Variants in GSTP1 observed in about 807,000 individuals in gnomAD.
GSTP1 encodes glutathione S-transferase pi 1, also known as glutathione S-transferase P.
GSTP1 carries 28 observed loss-of-function variants against 29.4 expected under a neutral mutation model. The ratio of observed to expected loss-of-function variants is 0.95; its 90% CI spans 0.71 to 1.30. GSTP1 has a LOEUF of 1.30. Among genes scored for constraint, GSTP1 ranks in the 50% most tolerant of loss-of-function variants. GSTP1 has a pLI of 0.00. For missense variants in GSTP1, 267 were observed against 266.1 expected, an observed-to-expected ratio of 1.00 and a Z score of -0.02; for synonymous variants, 122 against 117.0, an observed-to-expected ratio of 1.04 and a Z score of -0.28.
intron 5 of GSTP1, among the ~76,000 whole-genome samples, chr11:67,585,670 T>TGC (rs1867455550): frequency 6.6e-6 from 1 of 151,916 alleles, no homozygotes; most frequent in Non-Finnish European, 1.5e-5. Context: ...TGTGTGCGCG[T>TGC]GCGTGTGCAT....
At chr11:67,586,066 G>GAGTA in intron 5 of GSTP1, 38 bp from the exon 6 acceptor site, 1 of 1,484,740 alleles carries the variant, frequency 6.7e-7, no homozygotes, top group Non-Finnish European at 9.4e-7. Context: ...GGGGCTGGGA[G>GAGTA]GGATGAGAGT....
intron 4 of GSTP1, 116 bp from the exon 5 acceptor site, chr11:67,585,022 C>T: frequency 1.5e-6 from 1 of 686,094 alleles, no homozygotes; most frequent in Middle Eastern, 3.5e-4. Flanking sequence ...CGCACATCCT[C>T]TTCCCCTCCT....
In GSTP1 at chr11:67,584,125, T is replaced by C; in HGVS notation, c.2-9T>C. ...CGGGCTCCAGCAAACTTTTCTTTGT[T>C]CGCTGCAGTGCCGCCCTACACCGTG... On this transcript the variant is annotated splice_polypyrimidine_tract_variant and intron_variant, in intron 1 of 6. Transcript: ENST00000398606. 6.2e-7 allele frequency: 1 copy of C among 1,611,572 alleles called. No homozygotes were observed. Among genetic ancestry groups the C allele is most frequent in the South Asian group, 1.1e-5 (1 of 91,016 alleles).
At chr11:67,584,355 C>T in intron 2 of GSTP1, 109 bp from the exon 3 acceptor site, 1 of 729,130 alleles carries the variant, frequency 1.4e-6, no homozygotes, top group East Asian at 2.7e-5. Flanking sequence ...GTGAAATCTT[C>T]GGAGGAACCT....
At position 67,586,135 on chromosome 11, in the gene GSTP1, T is replaced by C; in HGVS notation, c.368T>C (p.Leu123Pro). 1 of 1,613,912 alleles carries C rather than the reference T, an allele frequency of 6.2e-7. No individual in the cohort carries two copies. Among genetic ancestry groups the C allele is most frequent in the Non-Finnish European group, 8.5e-7 (1 of 1,179,904 alleles). Residue 123 changes from leucine to proline, a missense_variant, in exon 6 of 7, where the codon CTG becomes CCG. Leu to Pro is a moderately conservative substitution (Grantham distance 98). Coordinates refer to ENST00000398606, the MANE Select transcript of GSTP1 (RefSeq NM_000852.4). ...GGCAAGGATGACTATGTGAAGGCAC[T>C]GCCCGGGCAACTGAAGCCTTTTGAG... Reference protein sequence around the residue: ...EAGKDDYVKALPGQLKPFETL... With the variant: ...EAGKDDYVKAPPGQLKPFETL...
At chr11:67,583,904 A>G (rs1329348146) in intron 1 of GSTP1, 60 bp downstream of exon 1, 1 of 699,440 alleles carries the variant, frequency 1.4e-6, no homozygotes, top group Non-Finnish European at 2.6e-6. Context: ...CATGGGGCCA[A>G]CCCGCAGCAT....
chr11:67,586,155 T>G lies in GSTP1; in HGVS notation c.388T>G (p.Phe130Val), dbSNP rs370396702. The change falls in exon 6 of 7, where the codon TTT becomes GTT. Residue 130 changes from phenylalanine to valine, a missense_variant. By Grantham distance (50) the Phe-to-Val change is conservative. Transcript: ENST00000398606. Reference sequence around the variant, plus strand: ...GGCACTGCCCGGGCAACTGAAGCCTTTTGAGACCCTGCTGTCCCAGAACCA... The same window carrying G: ...GGCACTGCCCGGGCAACTGAAGCCTGTTGAGACCCTGCTGTCCCAGAACCA... The part of the protein sequence containing the change: ...VKALPGQLKP[F>V]ETLLSQNQGG... 1.6e-5 allele frequency: 26 copies of G among 1,613,812 alleles called. No homozygotes were observed. The highest frequency in any genetic ancestry group is 2.1e-5 in the Non-Finnish European group (25 of 1,179,936).
chr11:67,584,314 C>T (rs1234749507), intron 2 of GSTP1, 145 bp downstream of exon 2: 3 of 731,962 alleles, frequency 4.1e-6, no homozygotes, highest in Non-Finnish European at 6.9e-6. Flanking sequence ...CCCGCCTCTC[C>T]CGCCATGCCT....
At chr11:67,584,061 G>GT (rs1418431250) in intron 1 of GSTP1, 73 bp from the exon 2 acceptor site, 1 of 1,280,726 alleles carries the variant, frequency 7.8e-7, no homozygotes, top group Non-Finnish European at 1.1e-6. Context: ...GGCGGGGAGG[G>GT]GGGGCAGACT....
In GSTP1 at chr11:67,586,093, G is replaced by A; in HGVS notation, c.337-11G>A. 3 of 1,600,182 alleles carry A rather than the reference G, an allele frequency of 1.9e-6. No homozygotes were observed. Among genetic ancestry groups the A allele is most frequent in the Non-Finnish European group, 1.7e-6 (2 of 1,167,494 alleles). ...GATGAGAGTAGGATGATACATGGTG[G>A]TGTCTGGCAGGAGGCGGGCAAGGAT... On this transcript the variant is annotated splice_polypyrimidine_tract_variant and intron_variant, in intron 5 of 6. Transcript: ENST00000398606.
intron 5 of GSTP1, among the ~76,000 whole-genome samples, chr11:67,585,678 C>CGTGTGTGTGCGT (rs1867456230): frequency 1.6e-5 from 2 of 122,940 alleles, no homozygotes; most frequent in Admixed American, 1.5e-4. Flanking sequence ...CGTGCGTGTG[C>CGTGTGTGTGCGT]ATGTGTGTGC....
Position 67,585,129 on chromosome 11 carries a change from C to G in GSTP1, c.233-9C>G. ...GTCACGCGGCCTGCTCCCCTCCACC[C>G]AACCCCAGGGCTCTATGGGAAGGAC... On this transcript the variant is annotated splice_polypyrimidine_tract_variant and intron_variant, in intron 4 of 6. Coordinates refer to ENST00000398606, the MANE Select transcript of GSTP1 (RefSeq NM_000852.4). The G allele has an allele frequency of 6.3e-7, 1 of 1,596,412 alleles. No homozygotes were observed. The highest frequency in any genetic ancestry group is 1.1e-5 in the South Asian group (1 of 90,660).
Position 67,586,113 on chromosome 11 carries a change from A to G in GSTP1, c.346A>G (p.Lys116Glu), listed in dbSNP as rs369682039. The G allele has an allele frequency of 4.3e-6, 7 of 1,613,062 alleles. No individual in the cohort carries two copies. The African/African-American group carries it at 9.4e-5, about 22-fold the overall frequency. Reference sequence around the variant, plus strand: ...TGGTGGTGTCTGGCAGGAGGCGGGCAAGGATGACTATGTGAAGGCACTGCC... The same window carrying G: ...TGGTGGTGTCTGGCAGGAGGCGGGCGAGGATGACTATGTGAAGGCACTGCC... ...SLIYTNYEAG[K>E]DDYVKALPGQ... Residue 116 changes from lysine to glutamate, a missense_variant, in exon 6 of 7, where the codon AAG becomes GAG. Lys to Glu is a moderately conservative substitution (Grantham distance 56). Coordinates refer to ENST00000398606, the MANE Select transcript of GSTP1 (RefSeq NM_000852.4).
Position 67,586,516 on chromosome 11 carries a change from A to G in GSTP1, c.572A>G (p.Lys191Arg), listed in dbSNP as rs1039689616. 3.1e-6 allele frequency: 5 copies of G among 1,614,072 alleles called. No individual in the cohort carries two copies. Among genetic ancestry groups the G allele is most frequent in the Admixed American group, 3.3e-5 (2 of 59,996 alleles). The change falls in exon 7 of 7, where the codon AAG (lysine) becomes AGG (arginine). Residue 191 changes from lysine to arginine, a missense_variant. Lys to Arg is a conservative substitution (Grantham distance 26, BLOSUM62 2). Transcript: ENST00000398606. Reference protein sequence around the residue: ...VGRLSARPKLKAFLASPEYVN... With the variant: ...VGRLSARPKLRAFLASPEYVN... ...CGCCTCAGTGCCCGGCCCAAGCTCAAGGCCTTCCTGGCCTCCCCTGAGTAC... is the reference window on the plus strand; with the variant it reads ...CGCCTCAGTGCCCGGCCCAAGCTCAGGGCCTTCCTGGCCTCCCCTGAGTAC...
Position 67,584,737 on chromosome 11 carries a change from C to A in GSTP1, c.197C>A (p.Ser66Tyr), listed in dbSNP as rs373014884. 24 of 1,613,460 alleles carry A rather than the reference C, an allele frequency of 1.5e-5. No individual in the cohort carries two copies. The highest frequency in any genetic ancestry group is 8.0e-5 in the African/African-American group (6 of 74,944). ...FQDGDLTLYQSNTILRHLGRT... is the reference protein window; with the variant it reads ...FQDGDLTLYQYNTILRHLGRT... ...GACGGAGACCTCACCCTGTACCAGT[C>A]CAATACCATCCTGCGTCACCTGGGC... is the stretch of plus-strand genomic sequence containing the variant. The change falls in exon 4 of 7, where the codon TCC becomes TAC. Residue 66 changes from serine (S) to tyrosine (Y), a missense_variant. Ser to Tyr is a moderately radical substitution (Grantham distance 144). Transcript: ENST00000398606.
At chr11:67,584,429 C>G (rs896941288) in intron 2 of GSTP1, 35 bp from the exon 3 acceptor site, 13 of 1,229,302 alleles carry the variant, frequency 1.1e-5, no homozygotes, top group South Asian at 7.4e-5. Context: ...GGAGTCGGCC[C>G]GGTCCCCACA....
chr11:67,584,436 C>T, intron 2 of GSTP1, 28 bp from the exon 3 acceptor site: 1 of 1,314,738 alleles, frequency 7.6e-7, no homozygotes, highest in Non-Finnish European at 1.0e-6. Context: ...GCCCGGTCCC[C>T]ACATCTCGTA....
At position 67,584,182 on chromosome 11, in the gene GSTP1, G is replaced by A; in HGVS notation, c.37+13G>A. The A allele has an allele frequency of 6.2e-7, 1 of 1,607,678 alleles. No homozygotes were observed. On this transcript the variant is annotated intron_variant, in intron 2 of 6. Transcript: ENST00000398606. Reference sequence around the variant, plus strand: ...TTCCCAGTTCGAGGTAGGAGCATGTGTCTGGCAGGGAAGGGAGGCAGGGGC... The same window carrying A: ...TTCCCAGTTCGAGGTAGGAGCATGTATCTGGCAGGGAAGGGAGGCAGGGGC...
chr11:67,583,937 C>A, intron 1 of GSTP1, 93 bp downstream of exon 1: 1 of 675,108 alleles, frequency 1.5e-6, no homozygotes, highest in Admixed American at 2.3e-5. Context: ...CCCGGCAGGG[C>A]TCCTCGCCCA....
Sources: gnomAD v4.1 joint callset for allele counts (sites outside exome capture counted in the v4.1 genomes callset) on GRCh38, gnomAD v4.1.1 for gene constraint, MANE v1.5 for transcripts, NCBI Gene and HGNC (gene_info 2026-07-23, HGNC 2026-07-21) for gene names.